Variants in PDCD6 observed in about 807,000 individuals in gnomAD.
PDCD6 encodes programmed cell death 6.
In PDCD6, 12 loss-of-function variants were observed where a neutral mutation model predicts 28.3. The observed-to-expected ratio is 0.42, with a 90% CI of 0.27 to 0.69. PDCD6 has a LOEUF of 0.69. PDCD6 is among the 30% of genes least tolerant of loss of function. PDCD6 has a pLI of 0.22. For synonymous variants in PDCD6, 92 were observed against 108.0 expected, an observed-to-expected ratio of 0.85 and a Z score of 0.92; for missense variants, 226 against 269.9, an observed-to-expected ratio of 0.84 and a Z score of 1.14.
chr5:303,541 C>G (rs2672771), intron 2 of PDCD6, among the ~76,000 whole-genome samples: 2,002 of 151,636 alleles, frequency 0.013, 41 homozygotes, highest in African/African-American at 0.041. Flanking sequence ...GAGGATAGTA[C>G]AGCTTTCCTA....
chr5:278,786 ACAGGGGAGGGTGCTGGGGATG>A (rs1163946021), intron 2 of PDCD6, among the ~76,000 whole-genome samples: 198 of 147,958 alleles, frequency 1.3e-3, no homozygotes, highest in African/African-American at 2.4e-3. Context: ...GGCTGGGGAC[ACAGGGGAGGGTGCTGGGGATG>A]CAGGGGAGGG....
rs1295226312 is a variant in PDCD6, at chr5:302,490, GC to G, written c.164-1686del. 2.6e-3 allele frequency among the ~76,000 whole-genome samples: 192 copies of G among 72,706 alleles called. 17 individuals are homozygous for G. The highest frequency in any genetic ancestry group is 0.017 in the African/African-American group (182 of 10,512). The allele number at this position is 72,706 out of a possible 152,430, so 47.7% of individuals were successfully genotyped here. A position where few individuals can be genotyped will look rare whatever the true frequency, so the allele number is the denominator to read the frequency against. ...GGAGGGCGGGTCATGGAGTGCTGCT[GC>G]TGTGTGTGTGTGTGTGTGTGTGTAT... On this transcript the variant is annotated intron_variant, in intron 2 of 5. Coordinates refer to ENST00000264933, the MANE Select transcript of PDCD6 (RefSeq NM_013232.4).
intron 2 of PDCD6, among the ~76,000 whole-genome samples, chr5:300,995 C>T (rs1303032752): frequency 2.6e-5 from 4 of 152,220 alleles, no homozygotes; most frequent in African/African-American, 4.8e-5. Flanking sequence ...GCCTGCGCTG[C>T]GGCGTTAACA....
At chr5:302,491 CTGTGTGTGTGTGTGTG>C (rs111715060) in intron 2 of PDCD6, among the ~76,000 whole-genome samples, 3 of 53,368 alleles carry the variant, frequency 5.6e-5, no homozygotes, top group African/African-American at 2.8e-4. Context: ...AGTGCTGCTG[CTGTGTGTGTGTGTGTG>C]TGTGTGTATG....
At chr5:286,306 G>C (rs560305488) in intron 2 of PDCD6, among the ~76,000 whole-genome samples, 1 of 152,204 alleles carries the variant, frequency 6.6e-6, no homozygotes, top group East Asian at 1.9e-4. Flanking sequence ...TGCAGTTTGA[G>C]GGCCATGCAG....
chr5:313,467 G>GT (rs150288931), intron 5 of PDCD6, among the ~76,000 whole-genome samples: 9,982 of 151,400 alleles, frequency 0.066, 522 homozygotes, highest in Non-Finnish European at 0.088. Context: ...CTGCAGGGTT[G>GT]TTTTTTTTTC....
chr5:281,408 G>C (rs1418094357), intron 2 of PDCD6, among the ~76,000 whole-genome samples: 1 of 152,170 alleles, frequency 6.6e-6, no homozygotes, highest in African/African-American at 2.4e-5. Flanking sequence ...CGTTGAGCTG[G>C]AGGTCCAGGG....
intron 3 of PDCD6, chr5:304,447 G>A: frequency 2.6e-6 from 1 of 381,740 alleles, no homozygotes; most frequent in Non-Finnish European, 4.7e-6. Context: ...AATGTACGGT[G>A]TAACCTGTCC....
At chr5:296,303 G>T (rs1739606011) in intron 2 of PDCD6, among the ~76,000 whole-genome samples, 1 of 152,038 alleles carries the variant, frequency 6.6e-6, no homozygotes, top group African/African-American at 2.4e-5. Context: ...CCCCAGCCTG[G>T]CCCCACACCC....
rs1202332412 is a variant in PDCD6, at chr5:305,803, G to T, written c.209-799G>T. 9 of 152,236 alleles carry T rather than the reference G, an allele frequency of 5.9e-5. No homozygotes were observed. Among genetic ancestry groups the T allele is most frequent in the Admixed American group, 5.9e-4 (9 of 15,282 alleles). 9.4% of individuals were successfully genotyped at this position (152,236 alleles called of 1,614,324 possible). On this transcript the variant is annotated intron_variant, in intron 3 of 5. Transcript: ENST00000264933. This position sits in a 1 kb window ranked among gnomAD's most constrained non-coding sequence, Gnocchi z 4.0. ...AGCCACTGGTTGCACACAGGGTTGT[G>T]GACTGTTGGGAAGAAACATCGATGC...
chr5:290,083 T>C (rs7731759), intron 2 of PDCD6: 227,136 of 1,571,552 alleles, frequency 0.14, 23,278 homozygotes, highest in African/African-American at 0.53. Flanking sequence ...CTTCATTTCA[T>C]CAAAGGGAAT....
intron 2 of PDCD6, among the ~76,000 whole-genome samples, chr5:294,647 G>T (rs1283091613): frequency 6.6e-6 from 1 of 152,244 alleles, no homozygotes; most frequent in Non-Finnish European, 1.5e-5. Flanking sequence ...AGTTTCTTAC[G>T]AAGTTAAGCA....
intron 5 of PDCD6, among the ~76,000 whole-genome samples, chr5:312,708 G>A (rs1740997581): frequency 6.6e-6 from 1 of 152,222 alleles, no homozygotes; most frequent in South Asian, 2.1e-4. Context: ...TACTCAGGAG[G>A]CTGAGGCAGG....
At chr5:295,465 AAAAC>A (rs1268599317) in intron 2 of PDCD6, among the ~76,000 whole-genome samples, 1 of 150,266 alleles carries the variant, frequency 6.7e-6, no homozygotes, top group Non-Finnish European at 1.5e-5. Context: ...GCAATATAGT[AAAAC>A]AATGCACATA....
intron 2 of PDCD6, among the ~76,000 whole-genome samples, chr5:287,136 T>A (rs1039339376): frequency 3.3e-5 from 5 of 151,908 alleles, no homozygotes; most frequent in Non-Finnish European, 7.4e-5. Flanking sequence ...TCTGAGGGTC[T>A]CAGAGCTGGA....
At chr5:288,976 C>T in intron 2 of PDCD6, 1 of 1,357,800 alleles carries the variant, frequency 7.4e-7, no homozygotes, top group Non-Finnish European at 1.1e-6. Context: ...CCACTACTTT[C>T]AGGGCCTTCG....
chr5:292,103 G>T (rs761089934), intron 2 of PDCD6, among the ~76,000 whole-genome samples: 1 of 152,138 alleles, frequency 6.6e-6, no homozygotes, highest in Admixed American at 6.5e-5. Flanking sequence ...TGCCCATCTG[G>T]TGGGTGTCAC....
At chr5:296,997 G>T (rs1361713302) in intron 2 of PDCD6, among the ~76,000 whole-genome samples, 4 of 152,192 alleles carry the variant, frequency 2.6e-5, no homozygotes, top group Admixed American at 6.5e-5. Flanking sequence ...GCTGGTCTGG[G>T]CATCTCACCT....
intron 2 of PDCD6, among the ~76,000 whole-genome samples, chr5:277,116 G>A (rs367762949): frequency 1.3e-5 from 2 of 151,960 alleles, no homozygotes; most frequent in African/African-American, 4.8e-5. Context: ...TCTTACATTC[G>A]TTTGAAGGTT....
Sources: allele counts gnomAD v4.1 joint callset (sites outside exome capture counted in the v4.1 genomes callset), GRCh38; gene constraint gnomAD v4.1.1; non-coding constraint Gnocchi (gnomAD v3.1); transcripts MANE v1.5; gene names NCBI Gene and HGNC (gene_info 2026-07-23, HGNC 2026-07-21).